Variants in KCNJ6 observed in about 807,000 individuals in gnomAD.
KCNJ6 encodes G protein-activated inward rectifier potassium channel 2.
Under a neutral mutation model 34.2 loss-of-function variants are expected in KCNJ6, and 9 were observed. The ratio of observed to expected loss-of-function variants is 0.26; its 90% CI spans 0.16 to 0.46. The LOEUF (loss-of-function observed/expected upper bound fraction) is 0.46. KCNJ6 is among the 20% of genes least tolerant of loss of function. KCNJ6 has a pLI of 1.00. For missense variants in KCNJ6, 236 were observed against 531.3 expected (o/e 0.44, Z 5.46); for synonymous variants, 196 against 207.1 (o/e 0.95, Z 0.46).
At chr21:37,691,812 C>G (rs993492882) in intron 3 of KCNJ6, among the ~76,000 whole-genome samples, 3 of 152,162 alleles carry the variant, frequency 2.0e-5, no homozygotes, top group African/African-American at 7.2e-5. Context: ...ACTCCTTAGA[C>G]CCTGCAGGCA....
rs1242897884 is a variant in KCNJ6, at chr21:37,840,643, T to C, written c.25+15A>G. On this transcript the variant is annotated intron_variant, in intron 2 of 3. Coordinates refer to ENST00000609713, the MANE Select transcript of KCNJ6 (RefSeq NM_002240.5). Reference sequence around the variant, plus strand: ...TTCAAAACAAAAAATAAATAATAAATTTGAAGCTACTCACTCATGGATTCT... The same window carrying C: ...TTCAAAACAAAAAATAAATAATAAACTTGAAGCTACTCACTCATGGATTCT... 1.3e-6 allele frequency: 2 copies of C among 1,583,062 alleles called. No homozygotes were observed. The highest frequency in any genetic ancestry group is 1.7e-6 in the Non-Finnish European group (2 of 1,157,166).
At chr21:37,647,777 G>A (rs2054412283) in intron 3 of KCNJ6, among the ~76,000 whole-genome samples, 1 of 152,194 alleles carries the variant, frequency 6.6e-6, no homozygotes, top group African/African-American at 2.4e-5. Flanking sequence ...CTGGCTGACA[G>A]GGTGCTTCCT....
intron 2 of KCNJ6, among the ~76,000 whole-genome samples, chr21:37,773,459 G>C (rs1042069130): frequency 2.0e-5 from 3 of 152,146 alleles, no homozygotes; most frequent in Non-Finnish European, 4.4e-5. Flanking sequence ...GTAGGGAGCA[G>C]AGGGAAGGTG....
intron 3 of KCNJ6, among the ~76,000 whole-genome samples, chr21:37,703,674 C>T (rs1288586382): frequency 6.6e-6 from 1 of 152,194 alleles, no homozygotes; most frequent in African/African-American, 2.4e-5. Flanking sequence ...TGCCCCCTCT[C>T]CACTGGGCCA....
intron 1 of KCNJ6, among the ~76,000 whole-genome samples, chr21:37,886,979 C>T (rs1438342339): frequency 8.7e-5 from 13 of 150,120 alleles, no homozygotes; most frequent in South Asian, 4.2e-4. Flanking sequence ...TCCTCTGTTC[C>T]GGCTGACAGA....
chr21:37,778,620 C>T (rs557459034), intron 2 of KCNJ6, among the ~76,000 whole-genome samples: 2 of 152,270 alleles, frequency 1.3e-5, no homozygotes, highest in East Asian at 3.9e-4. Context: ...GCATCCATCT[C>T]AGTCTTGGGT....
At chr21:37,755,636 G>T (rs974723229) in intron 2 of KCNJ6, among the ~76,000 whole-genome samples, 7 of 152,222 alleles carry the variant, frequency 4.6e-5, no homozygotes, top group Admixed American at 3.3e-4. Flanking sequence ...GTAATTGAGG[G>T]AACAGAAAAG....
At chr21:37,756,309 T>C (rs1376464330) in intron 2 of KCNJ6, among the ~76,000 whole-genome samples, 2 of 152,228 alleles carry the variant, frequency 1.3e-5, no homozygotes, top group African/African-American at 4.8e-5. Context: ...TGGATATTCC[T>C]TTATGATAAA....
intron 1 of KCNJ6, among the ~76,000 whole-genome samples, chr21:37,901,845 T>TA (rs2055818323): frequency 6.6e-6 from 1 of 152,238 alleles, no homozygotes; most frequent in African/African-American, 2.4e-5. Flanking sequence ...AAGTAACACA[T>TA]ATGCTTGGCA....
chr21:37,787,154 G>T (rs2055196635), intron 2 of KCNJ6, among the ~76,000 whole-genome samples: 2 of 152,176 alleles, frequency 1.3e-5, no homozygotes, highest in Non-Finnish European at 2.9e-5. Flanking sequence ...CAACAAATGA[G>T]CAGGGGGTTA....
In KCNJ6 at chr21:37,614,831, T is replaced by TG. The variant is rs2054260133; in HGVS notation, c.*10327_*10328insC. On this transcript the variant is annotated 3_prime_UTR_variant, in exon 4 of 4. Coordinates refer to ENST00000609713, the MANE Select transcript of KCNJ6 (RefSeq NM_002240.5). Reference sequence around the variant, plus strand: ...GTGTATTTGTGTGTATGTGTGTGTGTTATGTAGGGAGAGGGTGCTTATATT... The same window carrying TG: ...GTGTATTTGTGTGTATGTGTGTGTGTGTATGTAGGGAGAGGGTGCTTATATT... 6.6e-6 allele frequency: 1 copy of TG among 151,778 alleles called. No individual in the cohort carries two copies. Among genetic ancestry groups the TG allele is most frequent in the Non-Finnish European group, 1.5e-5 (1 of 67,958 alleles). The allele number at this position is 151,778 out of a possible 1,614,324, so 9.4% of individuals were successfully genotyped here. A position where few individuals can be genotyped will look rare whatever the true frequency, so the allele number is the denominator to read the frequency against.
In KCNJ6 at chr21:37,836,524, T is replaced by C. The variant is rs541598846; in HGVS notation, c.25+4134A>G. 2.4e-4 allele frequency among the ~76,000 whole-genome samples: 37 copies of C among 152,096 alleles called. No individual in the cohort carries two copies. In the South Asian group the frequency reaches 5.8e-3, roughly 24 times the overall value. On this transcript the variant is annotated intron_variant, in intron 2 of 3. Transcript: ENST00000609713. ...TCAATGATAGACTGGATAAAGAAAA[T>C]GTGGCACATATACACCATGGAATAC...
intron 2 of KCNJ6, among the ~76,000 whole-genome samples, chr21:37,750,029 T>G (rs1031987657): frequency 1.3e-5 from 2 of 152,128 alleles, no homozygotes; most frequent in Non-Finnish European, 2.9e-5. Context: ...ACATTTGGAT[T>G]AAAGGCATTT....
At chr21:37,639,219 T>C (rs1326508618) in intron 3 of KCNJ6, among the ~76,000 whole-genome samples, 3 of 152,238 alleles carry the variant, frequency 2.0e-5, no homozygotes, top group African/African-American at 7.2e-5. Flanking sequence ...CACCCTCCTT[T>C]GATTTTTCAC....
intron 3 of KCNJ6, among the ~76,000 whole-genome samples, chr21:37,672,464 C>T (rs554538302): frequency 2.6e-5 from 4 of 152,042 alleles, no homozygotes; most frequent in South Asian, 4.2e-4. Flanking sequence ...GCCTAGGAAC[C>T]GGCAGCATCG....
At chr21:37,706,603 G>A (rs1477138374) in intron 3 of KCNJ6, among the ~76,000 whole-genome samples, 2 of 30,066 alleles carry the variant, frequency 6.7e-5, no homozygotes, top group African/African-American at 1.6e-4. Flanking sequence ...ATAAACCACT[G>A]TTTTCAGCCT....
chr21:37,667,224 T>C (rs1327067665), intron 3 of KCNJ6, among the ~76,000 whole-genome samples: 7 of 139,138 alleles, frequency 5.0e-5, no homozygotes, highest in Non-Finnish European at 1.1e-4. Context: ...AGACCCAAAC[T>C]GGATATGTAA....
At chr21:37,764,575 T>G (rs987086356) in intron 2 of KCNJ6, among the ~76,000 whole-genome samples, 3 of 152,016 alleles carry the variant, frequency 2.0e-5, no homozygotes, top group Non-Finnish European at 4.4e-5. Flanking sequence ...GCCAGGGTTT[T>G]GCCATGTTGG....
intron 2 of KCNJ6, among the ~76,000 whole-genome samples, chr21:37,760,137 A>G (rs959905456): frequency 2.0e-5 from 3 of 152,192 alleles, no homozygotes; most frequent in Admixed American, 1.3e-4. Flanking sequence ...GGAACCTACA[A>G]GAGAATAAGT....
Sources: allele counts gnomAD v4.1 joint callset (sites outside exome capture counted in the v4.1 genomes callset), GRCh38; gene constraint gnomAD v4.1.1; transcripts MANE v1.5; gene names NCBI Gene and HGNC (gene_info 2026-07-23, HGNC 2026-07-21).